Variants in DCTN6 observed in about 807,000 individuals in gnomAD.
DCTN6 encodes dynactin subunit 6.
Under a neutral mutation model 25.8 loss-of-function variants are expected in DCTN6, and 15 were observed. The ratio of observed to expected loss-of-function variants is 0.58; its 90% CI spans 0.39 to 0.89. The LOEUF is 0.89. DCTN6 is among the 40% of genes least tolerant of loss of function. The pLI is 0.00. For missense variants in DCTN6, 198 were observed against 237.6 expected (o/e 0.83, Z 1.09); for synonymous variants, 64 against 78.3 (o/e 0.82, Z 0.96).
At chr8:30,170,005 T>G (rs1272508515) in intron 2 of DCTN6, among the ~76,000 whole-genome samples, 2 of 151,966 alleles carry the variant, frequency 1.3e-5, no homozygotes, top group African/African-American at 2.4e-5. Context: ...AAACCCCGTC[T>G]CTCCTAAAAT....
At chr8:30,173,731 TAAAAAAA>T (rs371782984) in intron 2 of DCTN6, among the ~76,000 whole-genome samples, 1 of 96,048 alleles carries the variant, frequency 1.0e-5, no homozygotes, top group Non-Finnish European at 2.3e-5. Context: ...CCCTGTCTCT[TAAAAAAA>T]AAAAAAAAAA....
At chr8:30,159,491 A>G (rs1803571143) in intron 1 of DCTN6, among the ~76,000 whole-genome samples, 1 of 152,178 alleles carries the variant, frequency 6.6e-6, no homozygotes, top group Admixed American at 6.6e-5. Context: ...TGTTAATGAA[A>G]GAATCTTTAC....
chr8:30,181,835 A>G (rs181722230), intron 6 of DCTN6, among the ~76,000 whole-genome samples: 1,584 of 151,598 alleles, frequency 0.01, 31 homozygotes, highest in East Asian at 0.056. Flanking sequence ...GGCTGCAGTA[A>G]GCTGTTTGTA....
chr8:30,158,030 G>C (rs1803549776), intron 1 of DCTN6, among the ~76,000 whole-genome samples: 1 of 144,232 alleles, frequency 6.9e-6, no homozygotes, highest in Non-Finnish European at 1.6e-5. Context: ...TCACCTCTCT[G>C]CTCCCACCAC....
chr8:30,165,398 A>G (rs937421667), intron 2 of DCTN6, among the ~76,000 whole-genome samples: 2 of 151,800 alleles, frequency 1.3e-5, no homozygotes, highest in Non-Finnish European at 2.9e-5. Context: ...ACACTTTCAG[A>G]GAGGAAATAC....
At chr8:30,175,216 C>T (rs1464990000) in intron 3 of DCTN6, 26 bp downstream of exon 3, 8 of 1,591,722 alleles carry the variant, frequency 5.0e-6, no homozygotes, top group Non-Finnish European at 6.9e-6. Flanking sequence ...ATACTGTGAA[C>T]CAAGTACCAT....
At chr8:30,165,449 A>T (rs1335486130) in intron 2 of DCTN6, among the ~76,000 whole-genome samples, 1 of 151,824 alleles carries the variant, frequency 6.6e-6, no homozygotes, top group Non-Finnish European at 1.5e-5. Context: ...AATGAAAAAA[A>T]AAAAAACCCT....
At chr8:30,171,446 AG>A (rs1312719503) in intron 2 of DCTN6, among the ~76,000 whole-genome samples, 1 of 152,068 alleles carries the variant, frequency 6.6e-6, no homozygotes, top group Non-Finnish European at 1.5e-5. Context: ...TTTGTAGAGA[AG>A]GGGGTCTGAC....
At chr8:30,164,001 CT>C in intron 1 of DCTN6, 109 bp from the exon 2 acceptor site, 51 of 1,041,608 alleles carry the variant, frequency 4.9e-5, no homozygotes, top group East Asian at 7.5e-5. Context: ...TGCGCCTGGC[CT>C]TTTTTTCCAT....
At chr8:30,162,992 ATT>A (rs5890501) in intron 1 of DCTN6, among the ~76,000 whole-genome samples, 18 of 150,366 alleles carry the variant, frequency 1.2e-4, no homozygotes, top group South Asian at 2.1e-4. Context: ...ATCATTCCAT[ATT>A]TTTTTTTTTA....
chr8:30,157,002 T>C (rs2117569644), intron 1 of DCTN6, among the ~76,000 whole-genome samples: 1 of 152,274 alleles, frequency 6.6e-6, no homozygotes, highest in East Asian at 1.9e-4. Flanking sequence ...CATAGATAAA[T>C]TGCGTAATGG....
chr8:30,164,872 A>G (rs1458699683), intron 2 of DCTN6, among the ~76,000 whole-genome samples: 1 of 152,212 alleles, frequency 6.6e-6, no homozygotes, highest in Non-Finnish European at 1.5e-5. Flanking sequence ...GCTGTGAGTC[A>G]GCTCCCTTTA....
Position 30,167,691 on chromosome 8 carries a change from TTTTC to T in DCTN6, c.88+3536_88+3539del, listed in dbSNP as rs111706788. Among the ~76,000 whole-genome samples, 8 of 151,626 alleles carry T rather than the reference TTTTC, an allele frequency of 5.3e-5. No individual in the cohort carries two copies. The East Asian group carries it at 7.8e-4, about 15-fold the overall frequency. ...GGTTAAAATGACATTTTAACACAGA[TTTTC>T]TTTCTTTCTTTCTTTCTTTTTGAGA... On this transcript the variant is annotated intron_variant, in intron 2 of 6. Coordinates refer to ENST00000221114, the MANE Select transcript of DCTN6 (RefSeq NM_006571.4).
At chr8:30,164,023 A>G (rs1284013460) in intron 1 of DCTN6, 88 bp from the exon 2 acceptor site, 1 of 1,228,984 alleles carries the variant, frequency 8.1e-7, no homozygotes, top group African/African-American at 1.5e-5. Flanking sequence ...CATTTTTTAA[A>G]CCTTGTTTTC....
At chr8:30,173,187 C>T (rs898837848) in intron 2 of DCTN6, among the ~76,000 whole-genome samples, 11 of 152,114 alleles carry the variant, frequency 7.2e-5, no homozygotes, top group Admixed American at 1.3e-4. Context: ...TTTAGGCCCC[C>T]GCCCTCATTA....
At chr8:30,165,084 T>C (rs751936553) in intron 2 of DCTN6, among the ~76,000 whole-genome samples, 3 of 152,208 alleles carry the variant, frequency 2.0e-5, no homozygotes, top group Non-Finnish European at 4.4e-5. Context: ...TTTCATAACA[T>C]GCAAAATAGT....
At chr8:30,175,527 G>T (rs1271441037) in intron 3 of DCTN6, among the ~76,000 whole-genome samples, 1 of 139,230 alleles carries the variant, frequency 7.2e-6, no homozygotes, top group Non-Finnish European at 1.6e-5. Flanking sequence ...ACCCTGCAGA[G>T]TTTTTTTTTT....
intron 2 of DCTN6, among the ~76,000 whole-genome samples, chr8:30,172,055 C>T (rs573881719): frequency 1.1e-4 from 16 of 152,158 alleles, no homozygotes; most frequent in African/African-American, 3.6e-4. Flanking sequence ...AATATTTTGA[C>T]GTAAAATATA....
chr8:30,175,366 G>A (rs1803817115), intron 3 of DCTN6, among the ~76,000 whole-genome samples, 176 bp downstream of exon 3: 1 of 152,120 alleles, frequency 6.6e-6, no homozygotes, highest in South Asian at 2.1e-4. Context: ...ACCATATGAG[G>A]GAAAAGACTT....
Sources: gnomAD v4.1 joint callset for allele counts (sites outside exome capture counted in the v4.1 genomes callset) on GRCh38, gnomAD v4.1.1 for gene constraint, MANE v1.5 for transcripts, NCBI Gene and HGNC (gene_info 2026-07-23, HGNC 2026-07-21) for gene names.